Variants in ZNF689 observed in about 807,000 individuals in gnomAD.
ZNF689 encodes zinc finger protein 689.
Under a neutral mutation model 37.2 loss-of-function variants are expected in ZNF689, and 14 were observed. The ratio of observed to expected loss-of-function variants is 0.38; its 90% CI spans 0.25 to 0.59. ZNF689 has a LOEUF of 0.59. Among genes scored for constraint, ZNF689 ranks in the 20% least tolerant of loss-of-function variants. The pLI is 0.68. For missense variants in ZNF689, 573 were observed against 700.2 expected, an observed-to-expected ratio of 0.82 and a Z score of 2.05; for synonymous variants, 277 against 283.3, an observed-to-expected ratio of 0.98 and a Z score of 0.22.
At position 30,603,654 on chromosome 16, in the gene ZNF689, G is replaced by A. The variant is rs886171069; in HGVS notation, c.*610C>T. 1.9e-5 allele frequency: 3 copies of A among 157,064 alleles called. No individual in the cohort carries two copies. The highest frequency in any genetic ancestry group is 7.2e-5 in the African/African-American group (3 of 41,506). 9.7% of individuals were successfully genotyped at this position (157,064 alleles called of 1,614,324 possible). On this transcript the variant is annotated 3_prime_UTR_variant, in exon 3 of 3. Coordinates refer to ENST00000287461, the MANE Select transcript of ZNF689 (RefSeq NM_138447.3). ...GAAAACTTGGGGGCAAAGTGGTTGT[G>A]ATTATCTGAAGGGCTGCTATGTAGA... is the stretch of plus-strand genomic sequence containing the variant.
chr16:30,609,427 G>A (rs1596588611), intron 2 of ZNF689, 98 bp downstream of exon 2: 1 of 1,009,514 alleles, frequency 9.9e-7, no homozygotes, highest in Non-Finnish European at 1.5e-6. Flanking sequence ...CTAAATACGC[G>A]GCACCCACCC....
At position 30,604,778 on chromosome 16, in the gene ZNF689, G is replaced by A; in HGVS notation, c.989C>T (p.Ser330Phe). 6.2e-7 allele frequency: 1 copy of A among 1,607,286 alleles called. No homozygotes were observed. Among genetic ancestry groups the A allele is most frequent in the Non-Finnish European group, 8.5e-7 (1 of 1,177,120 alleles). Residue 330 changes from serine (S) to phenylalanine (F), a missense_variant, in exon 3 of 3, where the codon TCT becomes TTT. Physicochemically the swap from Ser to Phe is radical, Grantham distance 155. Coordinates refer to ENST00000287461, the MANE Select transcript of ZNF689 (RefSeq NM_138447.3). The surrounding 1 kb of genome is among the most constrained non-coding windows in gnomAD (Gnocchi z 5.2). The part of the protein sequence containing the change: ...PDCERRFSSS[S>F]RLVSHRRVHS... ...CACACGCCGGTGACTGACCAGGCGA[G>A]AGGAGGAGGAGAAGCGCCGCTCGCA...
chr16:30,610,547 A>G (rs1395636249), upstream of ZNF689: 3 of 159,248 alleles, frequency 1.9e-5, no homozygotes, highest in Non-Finnish European at 4.2e-5. Context: ...GACTGCTAGG[A>G]TCAGGCGACT....
intron 2 of ZNF689, chr16:30,608,275 CTTTTCT>C (rs1170189197): frequency 1.4e-5 from 2 of 145,118 alleles, no homozygotes; most frequent in African/African-American, 5.0e-5. Context: ...CAATGGTTTT[CTTTTCT>C]TTTTTTTTTT....
chr16:30,605,220 C>G lies in ZNF689; in HGVS notation c.547G>C (p.Gly183Arg). The G allele has an allele frequency of 6.2e-7, 1 of 1,614,174 alleles. No individual in the cohort carries two copies. Among genetic ancestry groups the G allele is most frequent in the Non-Finnish European group, 8.5e-7 (1 of 1,180,008 alleles). Residue 183 changes from glycine to arginine, a missense_variant, in exon 3 of 3, where the codon GGG becomes CGG. By Grantham distance (125) the Gly-to-Arg change is moderately radical. This residue lies in a region of ZNF689 where 252 missense variants were observed against 313.3 expected (regional missense o/e 0.80). Coordinates refer to ENST00000287461, the MANE Select transcript of ZNF689 (RefSeq NM_138447.3). The surrounding 1 kb of genome is among the most constrained non-coding windows in gnomAD (Gnocchi z 5.1). ...AGGGATGGATAGGAAAAGCGGCGCC[C>G]ACAGTCTGGGCAAGGGTAAGGCTTT... ...LKKPYPCPDC[G>R]RRFSYPSLLV... is the part of the protein sequence containing the mutation.
Position 30,605,426 on chromosome 16 carries a change from T to A in ZNF689, c.341A>T (p.Asn114Ile). The change falls in exon 3 of 3, where the codon AAT becomes ATT. Residue 114 changes from asparagine to isoleucine, a missense_variant. This residue lies in a region of ZNF689 where 252 missense variants were observed against 313.3 expected (regional missense o/e 0.80). Coordinates refer to ENST00000287461, the MANE Select transcript of ZNF689 (RefSeq NM_138447.3). This position sits in a 1 kb window ranked among gnomAD's most constrained non-coding sequence, Gnocchi z 5.1. Reference sequence around the variant, plus strand: ...AGGCGGGAATACTTCCTTCTCCCCATTCTTCTTTCTGGTTCTGCTTTCTAT... The same window carrying A: ...AGGCGGGAATACTTCCTTCTCCCCAATCTTCTTTCTGGTTCTGCTTTCTAT... ...VQRKSRTRKKNGEKEVFPPKE... is the reference protein window; with the variant it reads ...VQRKSRTRKKIGEKEVFPPKE... 6.2e-7 allele frequency: 1 copy of A among 1,612,846 alleles called. No homozygotes were observed. The highest frequency in any genetic ancestry group is 8.5e-7 in the Non-Finnish European group (1 of 1,179,778).
rs1596584254 is a variant in ZNF689 at position 30,603,902 on chromosome 16, T to G, written c.*362A>C. 7.6e-6 allele frequency: 3 copies of G among 392,258 alleles called. No homozygotes were observed. The Admixed American group carries it at 1.0e-4, about 13-fold the overall frequency. The allele number at this position is 392,258 out of a possible 1,614,324, so 24.3% of individuals were successfully genotyped here. Reference sequence around the variant, plus strand: ...GAGGAAGAGGCAGAGTAGGGGAAGGTCCTGCCCCTATGAGATTCTCCTGAT... The same window carrying G: ...GAGGAAGAGGCAGAGTAGGGGAAGGGCCTGCCCCTATGAGATTCTCCTGAT... On this transcript the variant is annotated 3_prime_UTR_variant, in exon 3 of 3. Transcript: ENST00000287461.
rs868809272 is a variant in ZNF689 at position 30,604,760 on chromosome 16, C to T, written c.1007G>A (p.Arg336Gln). The T allele has an allele frequency of 1.2e-6, 2 of 1,607,982 alleles. No individual in the cohort carries two copies. Among genetic ancestry groups the T allele is most frequent in the Non-Finnish European group, 1.7e-6 (2 of 1,177,766 alleles). The change falls in exon 3 of 3, where the codon CGG (arginine) becomes CAG (glutamine). Residue 336 changes from arginine to glutamine, a missense_variant. Transcript: ENST00000287461. The surrounding 1 kb of genome is among the most constrained non-coding windows in gnomAD (Gnocchi z 5.2). ...GGGACGCTCCCCAGAGTGCACACGCCGGTGACTGACCAGGCGAGAGGAGGA... is the reference window on the plus strand; with the variant it reads ...GGGACGCTCCCCAGAGTGCACACGCTGGTGACTGACCAGGCGAGAGGAGGA... Reference protein sequence around the residue: ...FSSSSRLVSHRRVHSGERPYA... With the variant: ...FSSSSRLVSHQRVHSGERPYA...
chr16:30,607,625 G>C (rs377403991), intron 2 of ZNF689, among the ~76,000 whole-genome samples: 2 of 151,892 alleles, frequency 1.3e-5, no homozygotes, highest in East Asian at 3.9e-4. Flanking sequence ...AAGTCCCAAG[G>C]CTCAGTGTAC....
chr16:30,605,343 G>A lies in ZNF689; in HGVS notation c.424C>T (p.Pro142Ser), dbSNP rs781174559. 4.3e-6 allele frequency: 7 copies of A among 1,613,716 alleles called. No homozygotes were observed. Among genetic ancestry groups the A allele is most frequent in the Middle Eastern group, 1.7e-4 (1 of 6,054 alleles). The change falls in exon 3 of 3, where the codon CCT (proline) becomes TCT (serine). Residue 142 changes from proline to serine, a missense_variant. This residue lies in a region of ZNF689 where 252 missense variants were observed against 313.3 expected (regional missense o/e 0.80). Coordinates refer to ENST00000287461, the MANE Select transcript of ZNF689 (RefSeq NM_138447.3). This position sits in a 1 kb window ranked among gnomAD's most constrained non-coding sequence, Gnocchi z 5.1. ...GRRPSKPRLI[P>S]RQTSGGPICP... ...ATGGGGCCCCCGGACGTCTGCCTAG[G>A]AATCAGTCGGGGTTTGCTGGGCCTC...
chr16:30,610,028 G>A lies in ZNF689; in HGVS notation c.14C>T (p.Ser5Leu), dbSNP rs780479061. 5.0e-6 allele frequency: 8 copies of A among 1,597,748 alleles called. No individual in the cohort carries two copies. Among genetic ancestry groups the A allele is most frequent in the East Asian group, 4.5e-5 (2 of 44,148 alleles). Reference protein sequence around the residue: MAPPSAPLPAQGPGK... With the variant: MAPPLAPLPAQGPGK... Reference sequence around the variant, plus strand: ...TGGTCCCTGCGCAGGGAGCGGAGCCGAAGGTGGCGCCATGGGACCCGAGAA... The same window carrying A: ...TGGTCCCTGCGCAGGGAGCGGAGCCAAAGGTGGCGCCATGGGACCCGAGAA... The change falls in exon 1 of 3, where the codon TCG becomes TTG. Residue 5 changes from serine to leucine, a missense_variant. Ser to Leu is a moderately radical substitution (Grantham distance 145). Around this residue, in one of 3 missense-constraint regions of ZNF689, gnomAD observed 252 missense variants for 313.3 expected, o/e 0.80. Transcript: ENST00000287461.
rs998527619 is a variant in ZNF689, at chr16:30,605,775, T to C, written c.320-328A>G. Among the ~76,000 whole-genome samples, 3 of 152,016 alleles carry C rather than the reference T, an allele frequency of 2.0e-5. No individual in the cohort carries two copies. The highest frequency in any genetic ancestry group is 4.8e-5 in the African/African-American group (2 of 41,406). On this transcript the variant is annotated intron_variant, in intron 2 of 2. Transcript: ENST00000287461. This position sits in a 1 kb window ranked among gnomAD's most constrained non-coding sequence, Gnocchi z 5.1. Reference sequence around the variant, plus strand: ...GAGTTTGAGAGCAGCCTGACCAACATGGTGAAACCCTGTTTCTACTAAAAA... The same window carrying C: ...GAGTTTGAGAGCAGCCTGACCAACACGGTGAAACCCTGTTTCTACTAAAAA...
chr16:30,604,493 C>A lies in ZNF689; in HGVS notation c.1274G>T (p.Gly425Val). The A allele has an allele frequency of 6.2e-7, 1 of 1,601,898 alleles. No homozygotes were observed. The highest frequency in any genetic ancestry group is 8.5e-7 in the Non-Finnish European group (1 of 1,174,508). ...LLASHRRVHS[G>V]ERPYACDLCS... ...AAGGTCGCAGGCATAGGGCCGCTCGCCCGAGTGCACGCGCCGGTGGCTGGC... is the reference window on the plus strand; with the variant it reads ...AAGGTCGCAGGCATAGGGCCGCTCGACCGAGTGCACGCGCCGGTGGCTGGC... Residue 425 changes from glycine (G) to valine (V), a missense_variant, in exon 3 of 3, where the codon GGC becomes GTC. This residue lies in a region of ZNF689 where 317 missense variants were observed against 367.1 expected (regional missense o/e 0.86). Coordinates refer to ENST00000287461, the MANE Select transcript of ZNF689 (RefSeq NM_138447.3). The surrounding 1 kb of genome is among the most constrained non-coding windows in gnomAD (Gnocchi z 5.2).
chr16:30,604,208 T>A lies in ZNF689; in HGVS notation c.*56A>T. On this transcript the variant is annotated 3_prime_UTR_variant, in exon 3 of 3. Coordinates refer to ENST00000287461, the MANE Select transcript of ZNF689 (RefSeq NM_138447.3). The surrounding 1 kb of genome is among the most constrained non-coding windows in gnomAD (Gnocchi z 5.2). ...GCCCTGTATGACCTGGGGCTCCTCC[T>A]TCCCTTTTCTGGGACCCTCCATAAA... 6.3e-7 allele frequency: 1 copy of A among 1,594,446 alleles called. No individual in the cohort carries two copies. The highest frequency in any genetic ancestry group is 8.6e-7 in the Non-Finnish European group (1 of 1,164,424).
rs752907611 is a variant in ZNF689, at chr16:30,609,786, C to A, written c.205+51G>T. 10 of 1,571,028 alleles carry A rather than the reference C, an allele frequency of 6.4e-6. No homozygotes were observed. The East Asian group carries it at 1.2e-4, about 18-fold the overall frequency. ...GTGGCCTCCCTGCCTACACCCTCTC[C>A]GGCTCCTGCATCCCTTCGCGCCCCG... is the stretch of plus-strand genomic sequence containing the variant. On this transcript the variant is annotated intron_variant, in intron 1 of 2. Coordinates refer to ENST00000287461, the MANE Select transcript of ZNF689 (RefSeq NM_138447.3).
rs2052011100 is a variant in ZNF689 at position 30,604,278 on chromosome 16, C to T, written c.1489G>A (p.Gly497Ser). Reference protein sequence around the residue: ...RSAIGGSSQRGNAH With the variant: ...RSAIGGSSQRSNAH ...TCCTTCCCCTTCTAATGGGCGTTGC[C>T]CCTCTGACTGGAGCCCCCGATAGCA... The change falls in exon 3 of 3, where the codon GGC becomes AGC. Residue 497 changes from glycine (G) to serine (S), a missense_variant. Coordinates refer to ENST00000287461, the MANE Select transcript of ZNF689 (RefSeq NM_138447.3). The surrounding 1 kb of genome is among the most constrained non-coding windows in gnomAD (Gnocchi z 5.2). 6.2e-7 allele frequency: 1 copy of T among 1,614,138 alleles called. No individual in the cohort carries two copies. Among genetic ancestry groups the T allele is most frequent in the Non-Finnish European group, 8.5e-7 (1 of 1,180,032 alleles).
Position 30,603,591 on chromosome 16 carries a change from T to C in ZNF689, c.*673A>G, listed in dbSNP as rs1488435947. The stretch of plus-strand genomic sequence containing the variant: ...AGATCATGTGTGGAAATTGAAACCC[T>C]GTCTTTAAGGAATGACCAAATTCAT... On this transcript the variant is annotated 3_prime_UTR_variant, in exon 3 of 3. Transcript: ENST00000287461. The C allele has an allele frequency of 6.4e-6, 1 of 155,194 alleles. No homozygotes were observed. The highest frequency in any genetic ancestry group is 1.4e-5 in the Non-Finnish European group (1 of 70,052). The allele number at this position is 155,194 out of a possible 1,614,324, so 9.6% of individuals were successfully genotyped here.
Position 30,604,200 on chromosome 16 carries a change from GCTC to G in ZNF689, c.*61_*63del. On this transcript the variant is annotated 3_prime_UTR_variant, in exon 3 of 3. Transcript: ENST00000287461. The surrounding 1 kb of genome is among the most constrained non-coding windows in gnomAD (Gnocchi z 5.2). ...CTGACTCTGCCCTGTATGACCTGGG[GCTC>G]CTCCTTCCCTTTTCTGGGACCCTCC... The G allele has an allele frequency of 6.4e-7, 1 of 1,564,712 alleles. No individual in the cohort carries two copies. The highest frequency in any genetic ancestry group is 1.1e-5 in the South Asian group (1 of 88,694).
At chr16:30,609,111 T>C (rs2052063929) in intron 2 of ZNF689, among the ~76,000 whole-genome samples, 1 of 152,058 alleles carries the variant, frequency 6.6e-6, no homozygotes. Context: ...GCAGAGATCC[T>C]GGAAAGGAGG....
Sources: allele counts gnomAD v4.1 joint callset (sites outside exome capture counted in the v4.1 genomes callset), GRCh38; gene constraint gnomAD v4.1.1; regional missense constraint gnomAD v4.1.1; non-coding constraint Gnocchi (gnomAD v3.1); transcripts MANE v1.5; gene names NCBI Gene and HGNC (gene_info 2026-07-23, HGNC 2026-07-21).